The following ADGRL2 variants were observed in gnomAD, a reference collection of about 807,000 sequenced individuals.
The protein encoded by ADGRL2 is calcium-independent alpha-latrotoxin receptor 2.
A neutral mutation model predicts 157.4 loss-of-function variants in ADGRL2; 44 were observed. The ratio of observed to expected loss-of-function variants is 0.28; its 90% CI spans 0.22 to 0.36. The LOEUF is 0.36. Ranked by LOEUF, ADGRL2 falls within the 10% of genes least tolerant of loss-of-function variation. ADGRL2 has a pLI of 1.00. For synonymous variants in ADGRL2, 585 were observed against 624.7 expected (o/e 0.94, Z 0.95); for missense variants, 1,510 against 1,768.9 (o/e 0.85, Z 2.63).
intron 3 of ADGRL2, among the ~76,000 whole-genome samples, chr1:81,613,150 C>A (rs1041485385): frequency 2.6e-5 from 4 of 152,178 alleles, no homozygotes; most frequent in Admixed American, 2.6e-4. Flanking sequence ...AGTTACTTAA[C>A]CTAACATGAA....
intron 3 of ADGRL2, among the ~76,000 whole-genome samples, chr1:81,610,221 G>T (rs1299271735): frequency 7.3e-6 from 1 of 137,714 alleles, no homozygotes; most frequent in East Asian, 2.1e-4. Flanking sequence ...CAGGTTAGTG[G>T]CTTGGAGGTT....
At chr1:81,319,222 C>T (rs1236279381) in intron 1 of ADGRL2, among the ~76,000 whole-genome samples, 2 of 151,936 alleles carry the variant, frequency 1.3e-5, no homozygotes, top group African/African-American at 4.8e-5. Flanking sequence ...GCTGGGATTA[C>T]AGGCGTGAGC....
At chr1:81,439,020 G>A (rs922670657) in intron 1 of ADGRL2, among the ~76,000 whole-genome samples, 2 of 151,926 alleles carry the variant, frequency 1.3e-5, no homozygotes, top group East Asian at 1.9e-4. Context: ...TAGACTTTGC[G>A]ATAGAAACTC....
chr1:81,796,754 C>T (rs955016555), upstream of ADGRL2, among the ~76,000 whole-genome samples: 2 of 152,102 alleles, frequency 1.3e-5, no homozygotes, highest in Admixed American at 6.6e-5. Context: ...ATTAATAATT[C>T]GTGATTATAT....
At chr1:81,525,513 T>G (rs1348186754) in intron 2 of ADGRL2, among the ~76,000 whole-genome samples, 1 of 152,184 alleles carries the variant, frequency 6.6e-6, no homozygotes, top group Non-Finnish European at 1.5e-5. Flanking sequence ...AGACGGGGTT[T>G]CACCACATTG....
intron 3 of ADGRL2, among the ~76,000 whole-genome samples, chr1:81,690,133 A>G (rs771866143): frequency 6.6e-6 from 1 of 152,280 alleles, no homozygotes; most frequent in African/African-American, 2.4e-5. Context: ...TGTAACCCAT[A>G]CTATCAACAG....
intron 2 of ADGRL2, among the ~76,000 whole-genome samples, chr1:81,470,884 C>T (rs2078157574): frequency 6.6e-6 from 1 of 152,116 alleles, no homozygotes; most frequent in African/African-American, 2.4e-5. Context: ...CAAATAAAGT[C>T]ATTAATGCAC....
intron 3 of ADGRL2, among the ~76,000 whole-genome samples, chr1:81,692,734 G>T (rs1163308635): frequency 6.6e-6 from 1 of 152,194 alleles, no homozygotes; most frequent in South Asian, 2.1e-4. Flanking sequence ...ATCAGGTGTT[G>T]TAGAGCAGTA....
chr1:81,895,551 G>A (rs2094367128), intron 2 of ADGRL2, among the ~76,000 whole-genome samples: 2 of 151,490 alleles, frequency 1.3e-5, no homozygotes, highest in South Asian at 4.2e-4. Flanking sequence ...GGTGCCCACA[G>A]CTAGCTAATT....
At chr1:81,671,742 A>G (rs1287065113) in intron 3 of ADGRL2, among the ~76,000 whole-genome samples, 1 of 152,114 alleles carries the variant, frequency 6.6e-6, no homozygotes, top group Non-Finnish European at 1.5e-5. Context: ...CAAACTCCTG[A>G]CCTCAGGTGA....
chr1:81,905,436 A>AG (rs2094566295), intron 2 of ADGRL2, among the ~76,000 whole-genome samples: 1 of 152,150 alleles, frequency 6.6e-6, no homozygotes, highest in African/African-American at 2.4e-5. Context: ...CAAAGCTTTA[A>AG]GACTGCCATC....
chr1:81,383,373 A>G lies in ADGRL2; in HGVS notation c.-301-61663A>G, dbSNP rs2076375443. On this transcript the variant is annotated intron_variant, in intron 1 of 24. Transcript: ENST00000370721. Reference sequence around the variant, plus strand: ...AGGTAAAAACGGCTTTCATGTTGTAAGTATTCCATAAAGTGGGAGGGAGGA... The same window carrying G: ...AGGTAAAAACGGCTTTCATGTTGTAGGTATTCCATAAAGTGGGAGGGAGGA... Among the ~76,000 whole-genome samples the G allele has an allele frequency of 2.6e-5, 4 of 152,246 alleles. No homozygotes were observed. In the South Asian group the frequency reaches 6.2e-4, roughly 24 times the overall value.
At chr1:81,579,800 T>TA (rs929344112) in intron 2 of ADGRL2, among the ~76,000 whole-genome samples, 5 of 151,974 alleles carry the variant, frequency 3.3e-5, no homozygotes, top group African/African-American at 4.8e-5. Context: ...TTAAGATCTT[T>TA]AAAAAAAAGT....
intron 1 of ADGRL2, among the ~76,000 whole-genome samples, chr1:81,318,358 T>C (rs1251534583): frequency 6.6e-6 from 1 of 152,196 alleles, no homozygotes; most frequent in Non-Finnish European, 1.5e-5. Context: ...CCTTTGTTAT[T>C]CCATAAAAAG....
chr1:81,584,203 T>G (rs1010561826), intron 3 of ADGRL2, among the ~76,000 whole-genome samples: 2 of 152,144 alleles, frequency 1.3e-5, no homozygotes, highest in African/African-American at 4.8e-5. Flanking sequence ...CCTTTTGCTG[T>G]CAACGTTTTT....
chr1:81,333,762 C>CAAA (rs35097540), intron 1 of ADGRL2, among the ~76,000 whole-genome samples: 64 of 111,940 alleles, frequency 5.7e-4, no homozygotes, highest in African/African-American at 1.3e-3. Flanking sequence ...GTTCCCTAAG[C>CAAA]AAAAAAAAAA....
At chr1:81,952,521 A>C (rs1652166219) in intron 9 of ADGRL2, among the ~76,000 whole-genome samples, 1 of 152,192 alleles carries the variant, frequency 6.6e-6, no homozygotes, top group African/African-American at 2.4e-5. Flanking sequence ...TGACACATAT[A>C]GGAATATTAG....
chr1:81,516,565 G>A (rs2079182815), intron 2 of ADGRL2, among the ~76,000 whole-genome samples: 1 of 152,196 alleles, frequency 6.6e-6, no homozygotes, highest in South Asian at 2.1e-4. Flanking sequence ...CTGATCATCT[G>A]ACAAAATAAT....
chr1:81,954,994 C>T (rs1653023968), intron 10 of ADGRL2, among the ~76,000 whole-genome samples: 1 of 152,256 alleles, frequency 6.6e-6, no homozygotes, highest in Non-Finnish European at 1.5e-5. Flanking sequence ...GTGATTTCAC[C>T]TTTCCAAAGC....
Sources: allele counts gnomAD v4.1 joint callset (sites outside exome capture counted in the v4.1 genomes callset), GRCh38; gene constraint gnomAD v4.1.1; transcripts MANE v1.5; gene names NCBI Gene and HGNC (gene_info 2026-07-23, HGNC 2026-07-21).